SH3BGRL2: variants seen among roughly 807,000 people sequenced by gnomAD.
The protein encoded by SH3BGRL2 is SH3 domain binding glutamate rich protein like 2, also known as SH3 domain-binding glutamic acid-rich-like protein 2.
In SH3BGRL2, 21 loss-of-function variants were observed where a neutral mutation model predicts 14.8. The observed-to-expected ratio is 1.42, with a 90% CI of 1.01 to 2.05. The LOEUF (loss-of-function observed/expected upper bound fraction) is 2.05, where lower values mean the gene tolerates loss of function less well. SH3BGRL2 is among the 30% of genes most tolerant of loss of function. SH3BGRL2 has a pLI of 0.00. For synonymous variants in SH3BGRL2, 50 were observed against 47.8 expected, an observed-to-expected ratio of 1.05 and a Z score of -0.19; for missense variants, 147 against 130.8, an observed-to-expected ratio of 1.12 and a Z score of -0.61.
At chr6:79,683,122 A>C (rs571659573) in intron 2 of SH3BGRL2, among the ~76,000 whole-genome samples, 2 of 152,300 alleles carry the variant, frequency 1.3e-5, no homozygotes, top group Admixed American at 6.5e-5. Flanking sequence ...GGGTACAGCA[A>C]ACCAATATGG....
At chr6:79,541,819 T>C in the SH3BGRL2 span, among the ~76,000 whole-genome samples, 1 of 152,242 alleles carries the variant, frequency 6.6e-6, no homozygotes, top group South Asian at 2.1e-4. Flanking sequence ...AAAGTGATGA[T>C]AATAATTTTA....
intron 1 of SH3BGRL2, among the ~76,000 whole-genome samples, chr6:79,647,286 A>G (rs745438748): frequency 6.6e-6 from 1 of 151,448 alleles, no homozygotes; most frequent in Admixed American, 6.6e-5. Flanking sequence ...TTTCCTAATG[A>G]CTAATAATGT....
At chr6:79,649,634 C>G (rs1769240664) in intron 1 of SH3BGRL2, among the ~76,000 whole-genome samples, 1 of 151,948 alleles carries the variant, frequency 6.6e-6, no homozygotes, top group Non-Finnish European at 1.5e-5. Context: ...TTTTGTGTTT[C>G]TCCTTTTTAT....
intron 1 of SH3BGRL2, among the ~76,000 whole-genome samples, chr6:79,660,524 T>C (rs1051860088): frequency 1.3e-5 from 2 of 152,212 alleles, no homozygotes; most frequent in Non-Finnish European, 2.9e-5. Flanking sequence ...TTTGATGTGC[T>C]GCTGGATTCA....
In SH3BGRL2 at chr6:79,700,443, TCA is replaced by T. The variant is rs1222068121; in HGVS notation, c.*935_*936del. 1 of 152,318 alleles carries T rather than the reference TCA, an allele frequency of 6.6e-6. No homozygotes were observed. The highest frequency in any genetic ancestry group is 1.5e-5 in the Non-Finnish European group (1 of 68,024). 9.4% of individuals were successfully genotyped at this position (152,318 alleles called of 1,614,324 possible). On this transcript the variant is annotated 3_prime_UTR_variant, in exon 4 of 4. Coordinates refer to ENST00000369838, the MANE Select transcript of SH3BGRL2 (RefSeq NM_031469.4). Reference sequence around the variant, plus strand: ...CTATATTTTTTGAGAAAGGAAAATCTCAGTTAGATATATTTTGTGAACCCTTG... The same window carrying T: ...CTATATTTTTTGAGAAAGGAAAATCTGTTAGATATATTTTGTGAACCCTTG...
the SH3BGRL2 span, among the ~76,000 whole-genome samples, chr6:79,545,122 A>G: frequency 6.6e-6 from 1 of 152,174 alleles, no homozygotes; most frequent in Non-Finnish European, 1.5e-5. Context: ...GTCTCCCTGT[A>G]TTTAATCTTC....
chr6:79,577,648 T>C, the SH3BGRL2 span, among the ~76,000 whole-genome samples: 1 of 152,018 alleles, frequency 6.6e-6, no homozygotes, highest in Non-Finnish European at 1.5e-5. Flanking sequence ...AAACAAAGGA[T>C]GTAAGGGGAA....
At chr6:79,552,558 G>C in the SH3BGRL2 span, among the ~76,000 whole-genome samples, 2 of 152,072 alleles carry the variant, frequency 1.3e-5, no homozygotes. Flanking sequence ...AAAAGAGGGA[G>C]GGTATAATGA....
intron 2 of SH3BGRL2, among the ~76,000 whole-genome samples, chr6:79,685,428 TC>T (rs931422628): frequency 6.6e-6 from 1 of 152,166 alleles, no homozygotes; most frequent in African/African-American, 2.4e-5. Flanking sequence ...TTCCCTCATT[TC>T]CCCAATATGT....
chr6:79,607,669 G>T, the SH3BGRL2 span, among the ~76,000 whole-genome samples: 1 of 152,144 alleles, frequency 6.6e-6, no homozygotes, highest in Non-Finnish European at 1.5e-5. Context: ...AAGAGGCCAG[G>T]CACGGTGGCT....
At chr6:79,555,899 T>A in the SH3BGRL2 span, among the ~76,000 whole-genome samples, 2 of 152,196 alleles carry the variant, frequency 1.3e-5, no homozygotes, top group East Asian at 1.9e-4. Context: ...GAAATTTTTT[T>A]AAATAGTACA....
the SH3BGRL2 span, chr6:79,574,751 G>C: frequency 2.0e-5 from 3 of 152,170 alleles, no homozygotes; most frequent in Non-Finnish European, 4.4e-5. Flanking sequence ...CAATTTGTTG[G>C]TGGTATATCT....
chr6:79,646,915 C>T (rs1769155369), intron 1 of SH3BGRL2, among the ~76,000 whole-genome samples: 1 of 152,060 alleles, frequency 6.6e-6, no homozygotes, highest in Non-Finnish European at 1.5e-5. Flanking sequence ...ATGAATGTAC[C>T]AGAGTTTGTT....
the SH3BGRL2 span, among the ~76,000 whole-genome samples, chr6:79,623,019 CT>C: frequency 6.6e-6 from 1 of 152,116 alleles, no homozygotes; most frequent in Non-Finnish European, 1.5e-5. Context: ...AAAAATATGT[CT>C]GATTGCTGGG....
At chr6:79,631,833 C>A (rs1768832367) in intron 1 of SH3BGRL2, among the ~76,000 whole-genome samples, 1 of 152,194 alleles carries the variant, frequency 6.6e-6, no homozygotes, top group African/African-American at 2.4e-5. Flanking sequence ...CTTCGGGGAT[C>A]CCCCTTCCCC....
At chr6:79,648,597 C>T (rs1769195086) in intron 1 of SH3BGRL2, among the ~76,000 whole-genome samples, 1 of 151,814 alleles carries the variant, frequency 6.6e-6, no homozygotes, top group African/African-American at 2.4e-5. Flanking sequence ...CTCCTGGCCT[C>T]AATGCAGTCA....
chr6:79,642,010 G>T (rs74415722), intron 1 of SH3BGRL2, among the ~76,000 whole-genome samples: 11,299 of 152,186 alleles, frequency 0.074, 536 homozygotes, highest in Non-Finnish European at 0.11. Context: ...ATGGCATGTT[G>T]TGCACGACCC....
At chr6:79,663,821 AC>A (rs1769602706) in intron 1 of SH3BGRL2, among the ~76,000 whole-genome samples, 1 of 152,196 alleles carries the variant, frequency 6.6e-6, no homozygotes, top group African/African-American at 2.4e-5. Context: ...GGTGGGCTCC[AC>A]CCAGTTTGAG....
chr6:79,637,708 AATGT>A (rs1240225619), intron 1 of SH3BGRL2, among the ~76,000 whole-genome samples: 1 of 152,128 alleles, frequency 6.6e-6, no homozygotes, highest in Non-Finnish European at 1.5e-5. Flanking sequence ...AAAAAAAGAA[AATGT>A]ATTTCACTTA....
Sources: allele counts gnomAD v4.1 joint callset (sites outside exome capture counted in the v4.1 genomes callset), GRCh38; gene constraint gnomAD v4.1.1; transcripts MANE v1.5; gene names NCBI Gene and HGNC (gene_info 2026-07-23, HGNC 2026-07-21).